DNAH7: variants seen among roughly 807,000 people sequenced by gnomAD.
The protein encoded by DNAH7 is dynein axonemal heavy chain 7.
In DNAH7, 397 loss-of-function variants were observed where a neutral mutation model predicts 444.6. The ratio of observed to expected loss-of-function variants is 0.89; its 90% CI spans 0.82 to 0.97. DNAH7 has a LOEUF of 0.97. DNAH7 is among the 50% of genes least tolerant of loss of function. The probability of loss-of-function intolerance (pLI) is 0.00; values close to 1 mark genes in which losing one functional copy is unlikely to be tolerated. For missense variants in DNAH7, 4,902 were observed against 4,800.8 expected (o/e 1.02, Z -0.62); for synonymous variants, 1,636 against 1,624.4 (o/e 1.01, Z -0.17).
At chr2:195,797,225 A>G (rs1481074209) in intron 55 of DNAH7, among the ~76,000 whole-genome samples, 4 of 152,218 alleles carry the variant, frequency 2.6e-5, no homozygotes, top group Non-Finnish European at 4.4e-5. Context: ...GTTTCTTTAG[A>G]GAATTCTGTG....
At chr2:195,920,350 G>T (rs764300360) in intron 24 of DNAH7, among the ~76,000 whole-genome samples, 2 of 152,158 alleles carry the variant, frequency 1.3e-5, no homozygotes, top group South Asian at 2.1e-4. Flanking sequence ...CATGGTACTA[G>T]TATAAAAATA....
chr2:196,048,176 T>C (rs1697250397), intron 4 of DNAH7, 120 bp downstream of exon 4: 2 of 804,358 alleles, frequency 2.5e-6, no homozygotes, highest in African/African-American at 1.7e-5. Context: ...GGAAAATTTT[T>C]TTCTACTTGA....
At chr2:196,021,104 A>AAT (rs1695353401) in intron 8 of DNAH7, among the ~76,000 whole-genome samples, 1 of 152,056 alleles carries the variant, frequency 6.6e-6, no homozygotes, top group African/African-American at 2.4e-5. Context: ...ACATTCTATA[A>AAT]ATATATATAT....
intron 5 of DNAH7, among the ~76,000 whole-genome samples, chr2:196,033,911 C>T (rs1696220987): frequency 6.6e-6 from 1 of 152,166 alleles, no homozygotes; most frequent in Admixed American, 6.5e-5. Context: ...CTCATCAACA[C>T]TGTACAAAGG....
At chr2:195,988,647 AATCC>A (rs1353974352) in intron 12 of DNAH7, among the ~76,000 whole-genome samples, 1 of 152,144 alleles carries the variant, frequency 6.6e-6, no homozygotes, top group Non-Finnish European at 1.5e-5. Flanking sequence ...ATAATTAGTA[AATCC>A]ATCACCTCAA....
chr2:195,944,991 AATTG>A (rs1689706828), intron 19 of DNAH7, among the ~76,000 whole-genome samples: 1 of 151,674 alleles, frequency 6.6e-6, no homozygotes, highest in African/African-American at 2.4e-5. Context: ...CTAAGAACAT[AATTG>A]ATTGAGTGAT....
intron 2 of DNAH7, among the ~76,000 whole-genome samples, chr2:196,057,803 T>A (rs1697900577): frequency 6.6e-6 from 1 of 152,202 alleles, no homozygotes; most frequent in Admixed American, 6.5e-5. Flanking sequence ...AGACAGCAAA[T>A]TTTATTCTGT....
chr2:195,997,407 G>T (rs1045864470), intron 12 of DNAH7, among the ~76,000 whole-genome samples: 1 of 152,022 alleles, frequency 6.6e-6, no homozygotes, highest in African/African-American at 2.4e-5. Context: ...AGCTACTCGC[G>T]GGGAGGCTGA....
chr2:195,857,721 A>G lies in DNAH7; in HGVS notation c.8070T>C (p.Asp2690=). 6.4e-7 allele frequency: 1 copy of G among 1,573,070 alleles called. No homozygotes were observed. Among genetic ancestry groups the G allele is most frequent in the African/African-American group, 1.4e-5 (1 of 72,834 alleles). Residue 2690 remains aspartate, a splice_region_variant and synonymous_variant, in exon 44 of 65, where the codon GAT becomes GAC. Coordinates refer to ENST00000312428, the MANE Select transcript of DNAH7 (RefSeq NM_018897.3). ...LAALDTLTAQ[D]ITVVKSMKSP... is the part of the protein sequence containing the mutation. ...TCTTCATGGATTTTACCACTGTAAT[A>G]TCCTTGAAATAACAACGTTAATTAT...
At chr2:196,050,941 T>C (rs1697427865) in intron 3 of DNAH7, among the ~76,000 whole-genome samples, 1 of 152,210 alleles carries the variant, frequency 6.6e-6, no homozygotes, top group Non-Finnish European at 1.5e-5. Context: ...CTAATACTCC[T>C]TTTGCTAACC....
At chr2:195,801,649 A>G (rs1696463683) in intron 54 of DNAH7, among the ~76,000 whole-genome samples, 1 of 152,208 alleles carries the variant, frequency 6.6e-6, no homozygotes, top group African/African-American at 2.4e-5. Context: ...TGCAGGAGCA[A>G]TGTGCAGGTG....
intron 15 of DNAH7, among the ~76,000 whole-genome samples, chr2:195,975,266 C>T (rs766705362): frequency 2.7e-4 from 41 of 151,202 alleles, no homozygotes; most frequent in Non-Finnish European, 5.2e-4. Flanking sequence ...GCATCAGCTG[C>T]TAGGCACTGA....
intron 19 of DNAH7, among the ~76,000 whole-genome samples, chr2:195,937,236 T>C (rs116092154): frequency 0.015 from 2,236 of 152,302 alleles, 24 homozygotes; most frequent in South Asian, 0.028. Flanking sequence ...CCCTGTTTTA[T>C]AACTACAGAG....
chr2:195,753,904 C>T (rs540790329), intron 63 of DNAH7, among the ~76,000 whole-genome samples: 1 of 152,254 alleles, frequency 6.6e-6, no homozygotes, highest in East Asian at 1.9e-4. Flanking sequence ...AAGGTATATG[C>T]TTCAAGGGAC....
chr2:195,781,750 C>G (rs913518151), intron 58 of DNAH7, among the ~76,000 whole-genome samples: 1 of 150,222 alleles, frequency 6.7e-6, no homozygotes, highest in Non-Finnish European at 1.5e-5. Context: ...AGATCTCTAT[C>G]TACTTTGAAA....
At chr2:195,882,534 C>T (rs918907974) in intron 35 of DNAH7, among the ~76,000 whole-genome samples, 2 of 152,164 alleles carry the variant, frequency 1.3e-5, no homozygotes, top group Non-Finnish European at 2.9e-5. Context: ...GTGTTAACTA[C>T]GTTCACATTG....
chr2:195,968,120 C>G (rs1459019525), intron 17 of DNAH7, among the ~76,000 whole-genome samples: 1 of 152,238 alleles, frequency 6.6e-6, no homozygotes, highest in African/African-American at 2.4e-5. Flanking sequence ...GGGCTCCCCT[C>G]TGGCCCATGG....
intron 41 of DNAH7, among the ~76,000 whole-genome samples, chr2:195,862,401 G>A (rs1700073081): frequency 6.6e-6 from 1 of 152,090 alleles, no homozygotes; most frequent in African/African-American, 2.4e-5. Context: ...TCATCTGCCT[G>A]GAAGATTCCA....
In DNAH7 at chr2:195,775,905, C is replaced by A. The variant is rs201126732; in HGVS notation, c.11143G>T (p.Asp3715Tyr). 1.2e-6 allele frequency: 2 copies of A among 1,614,176 alleles called. No homozygotes were observed. Among genetic ancestry groups the A allele is most frequent in the Non-Finnish European group, 1.7e-6 (2 of 1,180,018 alleles). ...GTTTCTGACTGATCCTTAGTGATAT[C>A]TGCATTGGCATTCATCCCAAAGATT... ...PEIFGMNANA[D>Y]ITKDQSETQL... Residue 3715 changes from aspartate (D) to tyrosine (Y), a missense_variant, in exon 60 of 65, where the codon GAT becomes TAT. Asp to Tyr is a radical substitution (Grantham distance 160, BLOSUM62 -3). Coordinates refer to ENST00000312428, the MANE Select transcript of DNAH7 (RefSeq NM_018897.3).
Sources: allele counts gnomAD v4.1 joint callset (sites outside exome capture counted in the v4.1 genomes callset), GRCh38; gene constraint gnomAD v4.1.1; transcripts MANE v1.5; gene names NCBI Gene and HGNC (gene_info 2026-07-23, HGNC 2026-07-21).